The following CREBL2 variants were observed in gnomAD, a reference collection of about 807,000 sequenced individuals.
CREBL2 encodes cAMP-responsive element-binding protein-like 2.
CREBL2 carries 4 observed loss-of-function variants against 19.5 expected under a neutral mutation model. The ratio of observed to expected loss-of-function variants is 0.20; its 90% CI spans 0.10 to 0.47. The LOEUF is 0.47. Among genes scored for constraint, CREBL2 ranks in the 20% least tolerant of loss-of-function variants. The pLI, the probability that CREBL2 is intolerant of heterozygous loss-of-function variation, is 0.98. For missense variants in CREBL2, 85 were observed against 145.1 expected (o/e 0.59, Z 2.13); for synonymous variants, 42 against 46.6 (o/e 0.90, Z 0.40).
chr12:12,619,427 G>A (rs761278767), intron 1 of CREBL2, among the ~76,000 whole-genome samples: 1 of 152,096 alleles, frequency 6.6e-6, no homozygotes, highest in South Asian at 2.1e-4. Context: ...GCAACATGGC[G>A]AAACCCCATC....
chr12:12,632,785 T>G (rs1384991361), intron 1 of CREBL2, among the ~76,000 whole-genome samples: 1 of 152,002 alleles, frequency 6.6e-6, no homozygotes, highest in Non-Finnish European at 1.5e-5. Context: ...ATTATGTGAT[T>G]GATGAGATAT....
At chr12:12,620,427 C>A (rs1453323142) in intron 1 of CREBL2, among the ~76,000 whole-genome samples, 1 of 151,844 alleles carries the variant, frequency 6.6e-6, no homozygotes, top group Non-Finnish European at 1.5e-5. Flanking sequence ...GTAGAGACAG[C>A]CTGTGTTGTC....
At chr12:12,630,517 G>A (rs1945435611) in intron 1 of CREBL2, among the ~76,000 whole-genome samples, 2 of 152,024 alleles carry the variant, frequency 1.3e-5, no homozygotes, top group African/African-American at 4.8e-5. Flanking sequence ...AAAGGTTGGT[G>A]AATTTTGTTG....
At chr12:12,632,068 C>CTTTTTTTTTTTTTTTTTTTTTT (rs869253910) in intron 1 of CREBL2, among the ~76,000 whole-genome samples, 3 of 80,598 alleles carry the variant, frequency 3.7e-5, no homozygotes, top group African/African-American at 1.5e-4. Flanking sequence ...CTATGCCTTT[C>CTTTTTTTTTTTTTTTTTTTTTT]TTTTTTTTTT....
At position 12,644,125 on chromosome 12, in the gene CREBL2, G is replaced by C. The variant is rs1945546682; in HGVS notation, c.*2127G>C. 6.6e-6 allele frequency: 1 copy of C among 152,564 alleles called. No individual in the cohort carries two copies. The highest frequency in any genetic ancestry group is 1.5e-5 in the Non-Finnish European group (1 of 68,042). The allele number at this position is 152,564 out of a possible 1,614,324, so 9.5% of individuals were successfully genotyped here. On this transcript the variant is annotated 3_prime_UTR_variant, in exon 4 of 4. Transcript: ENST00000228865. ...TCCCGCTAGTATCTTTACAGGAGCA[G>C]GGAAGAGCAGTAGAGGATGTATAAT...
At chr12:12,628,677 C>A (rs186429885) in intron 1 of CREBL2, among the ~76,000 whole-genome samples, 1 of 152,224 alleles carries the variant, frequency 6.6e-6, no homozygotes, top group East Asian at 1.9e-4. Flanking sequence ...GTGGCACAAA[C>A]CCAGCTTCAC....
In CREBL2 at chr12:12,643,682, CTAG is replaced by C. The variant is rs1566118704; in HGVS notation, c.*1686_*1688del. ...GATCTCTAGTCTAGTCTAGTCTAGT[CTAG>C]TCTAGTCATGTGTGACTGTGTACTG... On this transcript the variant is annotated 3_prime_UTR_variant, in exon 4 of 4. Coordinates refer to ENST00000228865, the MANE Select transcript of CREBL2 (RefSeq NM_001310.4). 5.3e-5 allele frequency: 8 copies of C among 152,140 alleles called. No homozygotes were observed. The highest frequency in any genetic ancestry group is 1.2e-4 in the Non-Finnish European group (8 of 68,016). 9.4% of individuals were successfully genotyped at this position (152,140 alleles called of 1,614,324 possible).
chr12:12,638,034 G>A (rs898062332), intron 3 of CREBL2, among the ~76,000 whole-genome samples: 1 of 151,782 alleles, frequency 6.6e-6, no homozygotes, highest in Non-Finnish European at 1.5e-5. Context: ...ACAAAAAGAG[G>A]GTATCTCAAG....
chr12:12,633,533 C>T (rs888021431), intron 1 of CREBL2, among the ~76,000 whole-genome samples: 1 of 152,206 alleles, frequency 6.6e-6, no homozygotes, highest in South Asian at 2.1e-4. Context: ...GGAAGCAGTA[C>T]TGAAGAACCT....
At chr12:12,630,230 T>G (rs1945433342) in intron 1 of CREBL2, among the ~76,000 whole-genome samples, 1 of 152,300 alleles carries the variant, frequency 6.6e-6, no homozygotes, top group East Asian at 1.9e-4. Context: ...GGCTTTTCTT[T>G]GATTACTAAT....
At chr12:12,637,816 A>C in intron 3 of CREBL2, 102 bp downstream of exon 3, 1 of 1,263,474 alleles carries the variant, frequency 7.9e-7, no homozygotes, top group Non-Finnish European at 1.1e-6. Flanking sequence ...CGAGGTGGGC[A>C]GATCGCTTGA....
chr12:12,618,479 C>A (rs188955414), intron 1 of CREBL2, among the ~76,000 whole-genome samples: 1 of 151,598 alleles, frequency 6.6e-6, no homozygotes, highest in African/African-American at 2.4e-5. Flanking sequence ...GTTGGGCGGC[C>A]GGGCAGAGAC....
chr12:12,621,055 G>A (rs1158529105), intron 1 of CREBL2, among the ~76,000 whole-genome samples: 1 of 152,230 alleles, frequency 6.6e-6, no homozygotes, highest in Non-Finnish European at 1.5e-5. Flanking sequence ...ATCTTGCACA[G>A]TAAAGTAAGT....
intron 1 of CREBL2, among the ~76,000 whole-genome samples, chr12:12,632,829 C>A: frequency 6.6e-6 from 1 of 151,838 alleles, no homozygotes; most frequent in Admixed American, 6.6e-5. Context: ...ATTTTAATAT[C>A]TGGATGAACT....
At chr12:12,636,082 G>A in intron 2 of CREBL2, 108 bp downstream of exon 2, 1 of 1,042,592 alleles carries the variant, frequency 9.6e-7, no homozygotes. Flanking sequence ...GCAAACATTG[G>A]AGAGAATATT....
At chr12:12,637,983 C>T (rs1224727010) in intron 3 of CREBL2, among the ~76,000 whole-genome samples, 3 of 151,460 alleles carry the variant, frequency 2.0e-5, no homozygotes, top group African/African-American at 4.9e-5. Flanking sequence ...GTTGAGGCTG[C>T]GGTGAGCCAT....
intron 1 of CREBL2, among the ~76,000 whole-genome samples, chr12:12,620,261 T>C (rs1427483983): frequency 6.6e-6 from 1 of 150,944 alleles, no homozygotes; most frequent in Non-Finnish European, 1.5e-5. Context: ...TTTGAGACGG[T>C]CTCACTCTGT....
chr12:12,618,479 C>T (rs188955414), intron 1 of CREBL2, among the ~76,000 whole-genome samples: 4,220 of 151,700 alleles, frequency 0.028, 187 homozygotes, highest in African/African-American at 0.096. Flanking sequence ...GTTGGGCGGC[C>T]GGGCAGAGAC....
In CREBL2 at chr12:12,641,269, T is replaced by A. The variant is rs1160899960; in HGVS notation, c.359-725T>A. Among the ~76,000 whole-genome samples the A allele has an allele frequency of 3.4e-3, 475 of 141,420 alleles. 12 individuals are homozygous for A. Among genetic ancestry groups the A allele is most frequent in the East Asian group, 0.025 (122 of 4,940 alleles). The allele number at this position is 141,420 out of a possible 152,430, so 92.8% of individuals were successfully genotyped here. On this transcript the variant is annotated intron_variant, in intron 3 of 3. Transcript: ENST00000228865. ...ATTATTATTATTTTTTTTTATTTTT[T>A]TTTTTTTTAGGTCAACCTCTGGGAG...
Sources: allele counts gnomAD v4.1 joint callset (sites outside exome capture counted in the v4.1 genomes callset), GRCh38; gene constraint gnomAD v4.1.1; transcripts MANE v1.5; gene names NCBI Gene and HGNC (gene_info 2026-07-23, HGNC 2026-07-21).